TOX: variants seen among roughly 807,000 people sequenced by gnomAD.
TOX encodes thymocyte selection-associated high mobility group box protein TOX.
A neutral mutation model predicts 53.7 loss-of-function variants in TOX; 11 were observed. The ratio of observed to expected loss-of-function variants is 0.20; its 90% CI spans 0.13 to 0.34. TOX has a LOEUF of 0.34. Ranked by LOEUF, TOX falls within the 10% of genes least tolerant of loss-of-function variation. The probability of loss-of-function intolerance (pLI) is 1.00; values close to 1 mark genes in which losing one functional copy is unlikely to be tolerated. For synonymous variants in TOX, 225 were observed against 245.3 expected, an observed-to-expected ratio of 0.92 and a Z score of 0.77; for missense variants, 570 against 664.6, an observed-to-expected ratio of 0.86 and a Z score of 1.56.
intron 7 of TOX, chr8:58,814,413 C>T (rs1810137908): frequency 6.6e-6 from 1 of 152,066 alleles, no homozygotes; most frequent in African/African-American, 2.4e-5. Context: ...TATATTCAGT[C>T]TCCATAGAGA....
intron 1 of TOX, among the ~76,000 whole-genome samples, chr8:59,062,704 T>G (rs889647992): frequency 6.6e-6 from 1 of 152,140 alleles, no homozygotes; most frequent in African/African-American, 2.4e-5. Context: ...TCCTTACTAG[T>G]GAAGTCAAAG....
Position 58,838,185 on chromosome 8 carries a change from C to T in TOX, c.820G>A (p.Asp274Asn). 1 of 1,614,182 alleles carries T rather than the reference C, an allele frequency of 6.2e-7. No homozygotes were observed. Among genetic ancestry groups the T allele is most frequent in the Non-Finnish European group, 8.5e-7 (1 of 1,180,022 alleles). The change falls in exon 5 of 9, where the codon GAT becomes AAT. Residue 274 changes from aspartate (D) to asparagine (N), a missense_variant. By Grantham distance (23) the Asp-to-Asn change is conservative. This residue lies in a region of TOX where 49 missense variants were observed against 98.9 expected (regional missense o/e 0.50). Coordinates refer to ENST00000361421, the MANE Select transcript of TOX (RefSeq NM_014729.3). ...TGGCCCTTGATGGCGGCCTGAGTAT[C>T]ACGAAAGAATAACGCATAGGCAGAC... ...PVSAYALFFR[D>N]TQAAIKGQNP...
At chr8:59,002,508 C>T (rs1813710750) in intron 1 of TOX, among the ~76,000 whole-genome samples, 1 of 150,994 alleles carries the variant, frequency 6.6e-6, no homozygotes, top group Non-Finnish European at 1.5e-5. Context: ...AGGAGAATGG[C>T]GTGAACCCGG....
chr8:58,998,527 A>T (rs7818460), intron 1 of TOX, among the ~76,000 whole-genome samples: 469 of 40,142 alleles, frequency 0.012, 13 homozygotes, highest in African/African-American at 0.029. Flanking sequence ...ATATATATAT[A>T]TATATATATA....
At chr8:58,877,471 A>G (rs1811305594) in intron 3 of TOX, among the ~76,000 whole-genome samples, 1 of 152,236 alleles carries the variant, frequency 6.6e-6, no homozygotes, top group South Asian at 2.1e-4. Context: ...CACTTGACTT[A>G]GAATAAATGT....
chr8:58,836,637 T>C (rs1434956971), intron 5 of TOX, among the ~76,000 whole-genome samples: 1 of 152,168 alleles, frequency 6.6e-6, no homozygotes, highest in Non-Finnish European at 1.5e-5. Flanking sequence ...AAGACAGCTT[T>C]GACTTACAGA....
At chr8:58,904,838 G>A (rs1442723720) in intron 3 of TOX, among the ~76,000 whole-genome samples, 4 of 152,210 alleles carry the variant, frequency 2.6e-5, no homozygotes, top group Non-Finnish European at 5.9e-5. Flanking sequence ...AAATCTGAAT[G>A]TATGGGGAGA....
chr8:59,054,305 A>ACTCT (rs1198568575), intron 1 of TOX, among the ~76,000 whole-genome samples: 2 of 152,092 alleles, frequency 1.3e-5, no homozygotes, highest in Non-Finnish European at 2.9e-5. Flanking sequence ...ATCTTTGCGT[A>ACTCT]CTCTCTCCTT....
chr8:58,832,132 T>TATATATAATATATGTA (rs1178783740), intron 5 of TOX, among the ~76,000 whole-genome samples: 8 of 147,056 alleles, frequency 5.4e-5, no homozygotes, highest in Non-Finnish European at 4.5e-5. Flanking sequence ...ATATATGTAA[T>TATATATAATATATGTA]ATATATAATA....
chr8:58,922,261 A>G (rs1812086701), intron 3 of TOX, among the ~76,000 whole-genome samples: 1 of 152,222 alleles, frequency 6.6e-6, no homozygotes, highest in African/African-American at 2.4e-5. Context: ...CCAGGATTGA[A>G]GTTTAGGAGG....
intron 3 of TOX, among the ~76,000 whole-genome samples, chr8:58,906,918 T>G (rs1811825006): frequency 6.6e-6 from 1 of 152,248 alleles, no homozygotes; most frequent in Non-Finnish European, 1.5e-5. Flanking sequence ...TTTTTGGCTG[T>G]TCTGGCAACA....
At chr8:59,068,123 T>C (rs541401266) in intron 1 of TOX, among the ~76,000 whole-genome samples, 1 of 152,246 alleles carries the variant, frequency 6.6e-6, no homozygotes, top group South Asian at 2.1e-4. Flanking sequence ...ATTTAGAAGA[T>C]GCTAAAATTC....
At chr8:59,022,136 T>C (rs1283208947) in intron 1 of TOX, among the ~76,000 whole-genome samples, 1 of 152,204 alleles carries the variant, frequency 6.6e-6, no homozygotes, top group Non-Finnish European at 1.5e-5. Flanking sequence ...ACCATCATGA[T>C]ATCAATTTAG....
intron 1 of TOX, among the ~76,000 whole-genome samples, chr8:59,103,187 T>A (rs1804836521): frequency 6.6e-6 from 1 of 152,190 alleles, no homozygotes; most frequent in African/African-American, 2.4e-5. Flanking sequence ...GTCATCCAGT[T>A]TAGACTAAGA....
chr8:58,983,368 A>G (rs4738746), intron 1 of TOX, among the ~76,000 whole-genome samples: 143,416 of 152,308 alleles, frequency 0.94, 67,574 homozygotes, highest in East Asian at 1. Context: ...TGTCTCAGGT[A>G]ATGTTGATGC....
At chr8:59,094,161 T>C (rs1157983402) in intron 1 of TOX, among the ~76,000 whole-genome samples, 2 of 152,194 alleles carry the variant, frequency 1.3e-5, no homozygotes, top group African/African-American at 2.4e-5. Flanking sequence ...TAAATATTTA[T>C]GCTTAAATAA....
intron 2 of TOX, among the ~76,000 whole-genome samples, chr8:58,954,454 G>A (rs1812678436): frequency 6.6e-6 from 1 of 152,156 alleles, no homozygotes; most frequent in Non-Finnish European, 1.5e-5. Flanking sequence ...CCAGGCACAG[G>A]AGAGCCAGAC....
In TOX at chr8:58,984,698, G is replaced by T. The variant is rs531520026; in HGVS notation, c.103-24690C>A. 1.2e-4 allele frequency among the ~76,000 whole-genome samples: 18 copies of T among 151,052 alleles called. No individual in the cohort carries two copies. In the South Asian group the frequency reaches 3.8e-3, roughly 32 times the overall value. On this transcript the variant is annotated intron_variant, in intron 1 of 8. Transcript: ENST00000361421. ...CTCGGGAGGCTGAGGCCGGAGAATG[G>T]CGTGAACCCGGGAGGCGGAGCTTGC...
At chr8:59,020,102 A>G (rs1190282921) in intron 1 of TOX, among the ~76,000 whole-genome samples, 1 of 152,246 alleles carries the variant, frequency 6.6e-6, no homozygotes, top group African/African-American at 2.4e-5. Context: ...CTCGGAAGAT[A>G]GTACAGTACT....
Sources: allele counts gnomAD v4.1 joint callset (sites outside exome capture counted in the v4.1 genomes callset), GRCh38; gene constraint gnomAD v4.1.1; regional missense constraint gnomAD v4.1.1; transcripts MANE v1.5; gene names NCBI Gene and HGNC (gene_info 2026-07-23, HGNC 2026-07-21).